CCDC22: variants seen among roughly 807,000 people sequenced by gnomAD.
CCDC22 encodes the protein coiled-coil domain-containing protein 22.
CCDC22 carries 4 observed loss-of-function variants against 53.1 expected under a neutral mutation model. The ratio of observed to expected loss-of-function variants is 0.08; its 90% CI spans 0.04 to 0.17. The LOEUF (loss-of-function observed/expected upper bound fraction) is 0.17. Ranked by LOEUF, CCDC22 falls within the 10% of genes least tolerant of loss-of-function variation. The pLI, the probability that CCDC22 is intolerant of heterozygous loss-of-function variation, is 1.00. For missense variants in CCDC22, 458 were observed against 554.0 expected (o/e 0.83, Z 1.74); for synonymous variants, 222 against 224.4 (o/e 0.99, Z 0.10).
chrX:49,242,960 C>T lies in CCDC22; in HGVS notation c.436C>T (p.His146Tyr). ...GCTGGCACTGCCTTGGGTCCCGCCC[C>T]ACCTTCGCACTCCCAAGCTGCAGCA... Reference protein sequence around the residue: ...DQLALPWVPPHLRTPKLQHLQ... With the variant: ...DQLALPWVPPYLRTPKLQHLQ... The change falls in exon 4 of 17, where the codon CAC becomes TAC. Residue 146 changes from histidine to tyrosine, a missense_variant. Transcript: ENST00000376227. 4 of 1,163,530 alleles carry T rather than the reference C, an allele frequency of 3.4e-6. No homozygotes were observed. The highest frequency in any genetic ancestry group is 3.4e-6 in the Non-Finnish European group (3 of 869,868).
At chrX:49,244,708 G>A (rs1489410607) in intron 6 of CCDC22, among the ~76,000 whole-genome samples, 1 of 111,146 alleles carries the variant, frequency 9.0e-6, no homozygotes, top group Non-Finnish European at 1.9e-5. Context: ...CTACAGGTGC[G>A]TGCGCCCGGC....
Position 49,250,306 on chromosome X carries a change from G to A in CCDC22, c.*45G>A, listed in dbSNP as rs1557115244. On this transcript the variant is annotated 3_prime_UTR_variant, in exon 17 of 17. Coordinates refer to ENST00000376227, the MANE Select transcript of CCDC22 (RefSeq NM_014008.5). ...TCTCCCCAGCCTCAGGCAGGGATTT[G>A]GGGTGCTGGAGGCAGTGGCCAAGCA... 1.3e-6 allele frequency: 1 copy of A among 762,470 alleles called. No individual in the cohort carries two copies. The highest frequency in any genetic ancestry group is 2.2e-5 in the South Asian group (1 of 44,489). 62.8% of individuals were successfully genotyped at this position (762,470 alleles called of 1,213,427 possible).
At chrX:49,235,759 G>T in intron 1 of CCDC22, 73 bp downstream of exon 1, 1 of 978,709 alleles carries the variant, frequency 1.0e-6, no homozygotes, top group Non-Finnish European at 1.4e-6. Context: ...CGTTTCCCGG[G>T]AACCTTAAAA....
chrX:49,248,110 C>G, intron 9 of CCDC22, 81 bp from the exon 10 acceptor site: 1 of 1,192,364 alleles, frequency 8.4e-7, no homozygotes, highest in Non-Finnish European at 1.1e-6. Context: ...GTTAGAGAGG[C>G]CTGTGGGGGC....
At chrX:49,249,086 C>A (rs376210466) in intron 13 of CCDC22, 81 bp from the exon 14 acceptor site, 1 of 1,121,456 alleles carries the variant, frequency 8.9e-7, no homozygotes. Context: ...GACACAGTCC[C>A]TGTCTGGTAC....
intron 9 of CCDC22, 69 bp downstream of exon 9, chrX:49,247,837 G>C (rs1261442344): frequency 8.7e-7 from 1 of 1,149,779 alleles, no homozygotes; most frequent in African/African-American, 1.8e-5. Context: ...TGAGGGACTA[G>C]ATGGGGCAAG....
chrX:49,244,084 CG>C (rs1479252144), intron 6 of CCDC22, among the ~76,000 whole-genome samples: 1 of 112,419 alleles, frequency 8.9e-6, no homozygotes, highest in African/African-American at 3.2e-5. Context: ...CCACCGCACC[CG>C]GCCCTAATCT....
chrX:49,237,028 C>T, intron 1 of CCDC22, 58 bp from the exon 2 acceptor site: 6 of 1,106,080 alleles, frequency 5.4e-6, no homozygotes, highest in Non-Finnish European at 7.4e-6. Context: ...GGCTGCAGGG[C>T]TCAGCCTGAT....
rs1557115183 is a variant in CCDC22, at chrX:49,250,150, C to A, written c.1773C>A (p.Ile591=). Residue 591 remains isoleucine (I), a splice_region_variant and synonymous_variant, in exon 17 of 17, where the codon ATC becomes ATA. Coordinates refer to ENST00000376227, the MANE Select transcript of CCDC22 (RefSeq NM_014008.5). The stretch of plus-strand genomic sequence containing the variant: ...GGCATGTGTTCACATTGCCTCAGAT[C>A]GAGACAGAGCTGGGCAAGAAGACCC... ...MREVRDLEEQ[I]ETELGKKTLS... The A allele has an allele frequency of 6.2e-6, 7 of 1,131,970 alleles. No individual in the cohort carries two copies. The South Asian group carries it at 7.7e-5, about 12-fold the overall frequency. The allele number at this position is 1,131,970 out of a possible 1,213,427, so 93.3% of individuals were successfully genotyped here.
intron 2 of CCDC22, among the ~76,000 whole-genome samples, chrX:49,237,733 G>A: frequency 9.2e-6 from 1 of 108,375 alleles, no homozygotes; most frequent in Non-Finnish European, 1.9e-5. Flanking sequence ...GCTCTGATTG[G>A]CCCAGTCTGG....
intron 2 of CCDC22, among the ~76,000 whole-genome samples, chrX:49,240,438 C>T (rs1227977329): frequency 4.5e-5 from 5 of 110,814 alleles, no homozygotes; most frequent in Admixed American, 9.6e-5. Context: ...CCTGTAATCC[C>T]AGCTACTCAG....
chrX:49,239,512 A>G (rs782020538), intron 2 of CCDC22: 106 of 650,400 alleles, frequency 1.6e-4, no homozygotes, highest in Non-Finnish European at 1.9e-4. Context: ...TGGTGGAGGG[A>G]CGATAGAGTA....
At chrX:49,244,583 C>T (rs182305662) in intron 6 of CCDC22, among the ~76,000 whole-genome samples, 6 of 108,474 alleles carry the variant, frequency 5.5e-5, no homozygotes, top group East Asian at 5.8e-4. Flanking sequence ...TTTTTTGAGA[C>T]GGTGTCTCGC....
At position 49,249,280 on chromosome X, in the gene CCDC22, CG is replaced by C. The variant is rs1460656634; in HGVS notation, c.1635+23del. The C allele has an allele frequency of 3.4e-6, 3 of 872,072 alleles. No individual in the cohort carries two copies. The highest frequency in any genetic ancestry group is 3.9e-5 in the African/African-American group (2 of 50,835). The allele number at this position is 872,072 out of a possible 1,213,427, so 71.9% of individuals were successfully genotyped here. A position where few individuals can be genotyped will look rare whatever the true frequency, so the allele number is the denominator to read the frequency against. On this transcript the variant is annotated intron_variant, in intron 14 of 16. Transcript: ENST00000376227. Reference sequence around the variant, plus strand: ...TGTTCAAGGTGTGGGGCAGGTTGGGCGGGGGTGAGTGGGGTGAGGCTGGGCT... The same window carrying C: ...TGTTCAAGGTGTGGGGCAGGTTGGGCGGGGTGAGTGGGGTGAGGCTGGGCT...
At chrX:49,243,070 C>A in intron 4 of CCDC22, 48 bp from the exon 5 acceptor site, 1 of 1,175,587 alleles carries the variant, frequency 8.5e-7, no homozygotes, top group Non-Finnish European at 1.1e-6. Flanking sequence ...CCCCTGGCAA[C>A]CCTCATCCCA....
intron 6 of CCDC22, 109 bp downstream of exon 6, chrX:49,243,571 T>C: frequency 1.6e-6 from 1 of 644,327 alleles, no homozygotes. Context: ...TTGTTTCCCC[T>C]CTGTGTGTGC....
At chrX:49,246,998 C>G in intron 7 of CCDC22, 73 bp downstream of exon 7, 1 of 875,608 alleles carries the variant, frequency 1.1e-6, no homozygotes, top group Admixed American at 2.6e-5. Context: ...TGTGTCAGCA[C>G]CACACCTTTA....
Position 49,235,697 on chromosome X carries a change from A to G in CCDC22, c.50+11A>G. 1 of 1,177,307 alleles carries G rather than the reference A, an allele frequency of 8.5e-7. No homozygotes were observed. Among genetic ancestry groups the G allele is most frequent in the Non-Finnish European group, 1.1e-6 (1 of 876,158 alleles). On this transcript the variant is annotated intron_variant, in intron 1 of 16. Transcript: ENST00000376227. ...GCGCCAGGCCGGCACGTAAGGACAG[A>G]GCCCCCGCCCACCCCCGAAGCCCAC...
At chrX:49,248,054 CAG>C (rs1476608677) in intron 9 of CCDC22, 135 bp from the exon 10 acceptor site, 4 of 1,099,173 alleles carry the variant, frequency 3.6e-6, no homozygotes, top group Admixed American at 2.5e-5. Context: ...TCTGCATGGA[CAG>C]GGGATTAGGG....
Sources: gnomAD v4.1 joint callset for allele counts (sites outside exome capture counted in the v4.1 genomes callset) on GRCh38, gnomAD v4.1.1 for gene constraint, MANE v1.5 for transcripts, NCBI Gene and HGNC (gene_info 2026-07-23, HGNC 2026-07-21) for gene names.